Variants in CALCOCO2 observed in about 807,000 individuals in gnomAD.
CALCOCO2 encodes calcium-binding and coiled-coil domain-containing protein 2.
CALCOCO2 carries 42 observed loss-of-function variants against 62.5 expected under a neutral mutation model. The observed-to-expected ratio is 0.67, with a 90% confidence interval of 0.53 to 0.87. The LOEUF (loss-of-function observed/expected upper bound fraction) is 0.87. CALCOCO2 is among the 40% of genes least tolerant of loss of function. CALCOCO2 has a pLI of 0.00. For missense variants in CALCOCO2, 456 were observed against 515.0 expected (o/e 0.89, Z 1.11); for synonymous variants, 167 against 173.0 (o/e 0.97, Z 0.27).
chr17:48,838,644 G>A lies in CALCOCO2; in HGVS notation c.-10-3054G>A, dbSNP rs1300357532. ...CAGGAGAATGGCATGAACCTGGGAGGCAGAGGTTGCAGTGAGCCGAGATCG... is the reference window on the plus strand; with the variant it reads ...CAGGAGAATGGCATGAACCTGGGAGACAGAGGTTGCAGTGAGCCGAGATCG... On this transcript the variant is annotated intron_variant, in intron 1 of 12. Transcript: ENST00000258947. Among the ~76,000 whole-genome samples, 3 of 152,072 alleles carry A rather than the reference G, an allele frequency of 2.0e-5. No individual in the cohort carries two copies. In the East Asian group the frequency reaches 5.8e-4, roughly 29 times the overall value.
chr17:48,858,074 T>TAGAATAGAATAGAATAGAATAGAATAGAA (rs1287542653), intron 10 of CALCOCO2, among the ~76,000 whole-genome samples: 14 of 145,166 alleles, frequency 9.6e-5, no homozygotes, highest in East Asian at 2.0e-4. Flanking sequence ...TAGAATAGAA[T>TAGAATAGAATAGAATAGAATAGAATAGAA]TTTACCATCT....
At chr17:48,844,458 G>A (rs930781281) in intron 2 of CALCOCO2, among the ~76,000 whole-genome samples, 8 of 151,742 alleles carry the variant, frequency 5.3e-5, no homozygotes, top group African/African-American at 1.2e-4. Context: ...AATCTTGGGC[G>A]TTTTTCTTTT....
At chr17:48,848,717 T>C in intron 4 of CALCOCO2, 1 of 567,446 alleles carries the variant, frequency 1.8e-6, no homozygotes, top group South Asian at 1.7e-5. Context: ...TTGCTTAATT[T>C]TTGTCATCTA....
chr17:48,858,046 A>ATAGAATAGAATAG, intron 10 of CALCOCO2, among the ~76,000 whole-genome samples: 1,449 of 39,744 alleles, frequency 0.036, 297 homozygotes, highest in East Asian at 0.06. Flanking sequence ...ATAGAATAGA[A>ATAGAATAGAATAG]AATAGAATAG....
intron 1 of CALCOCO2, among the ~76,000 whole-genome samples, chr17:48,838,300 G>A (rs2039924776): frequency 6.6e-6 from 1 of 152,124 alleles, no homozygotes; most frequent in Non-Finnish European, 1.5e-5. Flanking sequence ...TAACCAATTA[G>A]GTCAGGGGTC....
chr17:48,837,818 G>C (rs1004529212), intron 1 of CALCOCO2, among the ~76,000 whole-genome samples: 1 of 152,154 alleles, frequency 6.6e-6, no homozygotes, highest in African/African-American at 2.4e-5. Flanking sequence ...TGACTTCTGG[G>C]GAGTTGGAAG....
intron 5 of CALCOCO2, among the ~76,000 whole-genome samples, chr17:48,850,660 G>A (rs1235189186): frequency 6.6e-6 from 1 of 152,194 alleles, no homozygotes; most frequent in Admixed American, 6.5e-5. Context: ...CAAGAACAGT[G>A]TCTAGTGTGG....
At chr17:48,857,649 C>T (rs1435336008) in intron 10 of CALCOCO2, among the ~76,000 whole-genome samples, 1 of 150,328 alleles carries the variant, frequency 6.7e-6, no homozygotes. Flanking sequence ...ATCATTTTTA[C>T]TATTTTTTTC....
chr17:48,858,056 GAA>G (rs2040266036), intron 10 of CALCOCO2, among the ~76,000 whole-genome samples: 1 of 138,608 alleles, frequency 7.2e-6, no homozygotes, highest in African/African-American at 2.7e-5. Context: ...AAATAGAATA[GAA>G]TAGAATAGAA....
Position 48,851,281 on chromosome 17 carries a change from T to G in CALCOCO2, c.632+104T>G, listed in dbSNP as rs528495629. 8 of 730,736 alleles carry G rather than the reference T, an allele frequency of 1.1e-5. No individual in the cohort carries two copies. The African/African-American group carries it at 1.2e-4, about 11-fold the overall frequency. 45.3% of individuals were successfully genotyped at this position (730,736 alleles called of 1,614,324 possible). On this transcript the variant is annotated intron_variant, in intron 6 of 12. Transcript: ENST00000258947. The stretch of plus-strand genomic sequence containing the variant: ...TGGAATTTGTGAGAAAACACTGTTA[T>G]GACATTGATGATGTGATTCTCCACC...
At chr17:48,850,066 C>T (rs567362289) in intron 5 of CALCOCO2, among the ~76,000 whole-genome samples, 67 of 150,392 alleles carry the variant, frequency 4.5e-4, no homozygotes, top group African/African-American at 1.5e-3. Flanking sequence ...TTTGGGAGGC[C>T]GAGGCAGGTG....
intron 2 of CALCOCO2, chr17:48,845,997 C>T (rs573822794): frequency 3.2e-6 from 3 of 945,440 alleles, no homozygotes; most frequent in Non-Finnish European, 4.7e-6. Flanking sequence ...TCGTCCTTTG[C>T]AGCTCACCTC....
rs749486361 is a variant in CALCOCO2, at chr17:48,849,261, G to A, written c.427G>A (p.Glu143Lys). ...ILVVTTQGEV[E>K]EIEQHNKELC... ...GAATGTTCTTTTGTAGGGAGAGGTGGAAGAGATTGAGCAGCACAACAAGGA... is the reference window on the plus strand; with the variant it reads ...GAATGTTCTTTTGTAGGGAGAGGTGAAAGAGATTGAGCAGCACAACAAGGA... The change falls in exon 5 of 13, where the codon GAA becomes AAA. Residue 143 changes from glutamate to lysine, a missense_variant. Glu to Lys is a moderately conservative substitution (Grantham distance 56). Around this residue, in one of 3 missense-constraint regions of CALCOCO2, gnomAD observed 236 missense variants for 225.3 expected, o/e 1.05. Coordinates refer to ENST00000258947, the MANE Select transcript of CALCOCO2 (RefSeq NM_005831.5). 10 of 1,613,736 alleles carry A rather than the reference G, an allele frequency of 6.2e-6. No homozygotes were observed. Among genetic ancestry groups the A allele is most frequent in the Middle Eastern group, 1.7e-4 (1 of 6,058 alleles).
intron 1 of CALCOCO2, among the ~76,000 whole-genome samples, chr17:48,834,554 A>C (rs1026680890): frequency 2.0e-5 from 3 of 152,196 alleles, no homozygotes; most frequent in Admixed American, 6.5e-5. Context: ...ATACCACTTT[A>C]TAATTTCTAG....
At chr17:48,847,429 T>A (rs1319809799) in intron 2 of CALCOCO2, among the ~76,000 whole-genome samples, 1 of 152,184 alleles carries the variant, frequency 6.6e-6, no homozygotes. Context: ...GCTCTATCTC[T>A]GACTTGTAGA....
chr17:48,853,675 G>A (rs541990734), intron 9 of CALCOCO2, among the ~76,000 whole-genome samples: 57 of 152,338 alleles, frequency 3.7e-4, no homozygotes, highest in African/African-American at 1.3e-3. Context: ...ATAGGAAAGA[G>A]TAGAACAAAG....
chr17:48,862,214 A>G (rs1418167251), intron 11 of CALCOCO2, 62 bp from the exon 12 acceptor site: 5 of 1,053,358 alleles, frequency 4.7e-6, no homozygotes, highest in Non-Finnish European at 7.5e-6. Flanking sequence ...CTGCCAGAAC[A>G]CAGTTGGAGA....
At chr17:48,832,376 AGAGT>A (rs1166937421) in intron 1 of CALCOCO2, among the ~76,000 whole-genome samples, 8 of 152,256 alleles carry the variant, frequency 5.3e-5, no homozygotes, top group Admixed American at 5.2e-4. Flanking sequence ...CCTGGGCAAC[AGAGT>A]GAGACTCCGT....
intron 10 of CALCOCO2, among the ~76,000 whole-genome samples, chr17:48,857,587 C>T (rs1197855165): frequency 2.1e-5 from 3 of 145,654 alleles, no homozygotes; most frequent in African/African-American, 7.5e-5. Context: ...ACTACAACCT[C>T]CACCTCCTGA....
Sources: gnomAD v4.1 joint callset for allele counts (sites outside exome capture counted in the v4.1 genomes callset) on GRCh38, gnomAD v4.1.1 for gene constraint, gnomAD v4.1.1 regional missense constraint, MANE v1.5 for transcripts, NCBI Gene and HGNC (gene_info 2026-07-23, HGNC 2026-07-21) for gene names.